KEL: variants seen among roughly 807,000 people sequenced by gnomAD.
KEL encodes the protein Kell metallo-endopeptidase (Kell blood group).
KEL carries 96 observed loss-of-function variants against 99.5 expected under a neutral mutation model. That is an observed-to-expected ratio of 0.97 (90% CI 0.82 to 1.14). The LOEUF is 1.14. Among genes scored for constraint, KEL ranks in the 50% most tolerant of loss-of-function variants. The pLI, the probability that KEL is intolerant of heterozygous loss-of-function variation, is 0.00. For synonymous variants in KEL, 355 were observed against 354.8 expected (o/e 1.00, Z -0.01); for missense variants, 926 against 924.2 (o/e 1.00, Z -0.03).
intron 1 of KEL, 71 bp from the exon 2 acceptor site, chr7:142,961,943 T>A: frequency 6.2e-7 from 1 of 1,601,116 alleles, no homozygotes; most frequent in East Asian, 2.2e-5. Context: ...GAGAGTTTTA[T>A]CAGGCCATTT....
In KEL at chr7:142,962,031, G is replaced by A. The variant is rs867163795; in HGVS notation, c.4-159C>T. 3.7e-6 allele frequency: 6 copies of A among 1,609,118 alleles called. No individual in the cohort carries two copies. In the African/African-American group the frequency reaches 5.3e-5, roughly 14 times the overall value. On this transcript the variant is annotated intron_variant, in intron 1 of 18. Transcript: ENST00000355265. ...AGTGTTCCCAGATGGGCTTCAGAAC[G>A]AACCTGTCCCCTGAATGTGCCATTT...
intron 10 of KEL, among the ~76,000 whole-genome samples, chr7:142,948,520 G>A (rs1796591861): frequency 6.6e-6 from 1 of 152,112 alleles, no homozygotes; most frequent in Non-Finnish European, 1.5e-5. Flanking sequence ...GGAAATTTTA[G>A]GGATTACGAG....
At chr7:142,957,119 G>A (rs1025256876) in intron 6 of KEL, among the ~76,000 whole-genome samples, 16 of 152,354 alleles carry the variant, frequency 1.1e-4, no homozygotes, top group Non-Finnish European at 2.9e-5. Context: ...CGAAAGTAGG[G>A]AGAGCAGGGC....
chr7:142,955,427 T>G (rs1796805707), intron 6 of KEL, among the ~76,000 whole-genome samples: 1 of 152,186 alleles, frequency 6.6e-6, no homozygotes, highest in African/African-American at 2.4e-5. Flanking sequence ...TCCCATTTTT[T>G]GGGAAAAAAA....
intron 10 of KEL, 194 bp from the exon 11 acceptor site, chr7:142,946,511 G>C (rs1796534680): frequency 1.6e-6 from 1 of 622,276 alleles, no homozygotes; most frequent in Non-Finnish European, 2.9e-6. Flanking sequence ...CTCAGAGCTG[G>C]TCTCATGAGC....
chr7:142,962,335 T>C lies in KEL; in HGVS notation c.-129A>G, dbSNP rs1562966332. On this transcript the variant is annotated 5_prime_UTR_variant, in exon 1 of 19. Transcript: ENST00000355265. ...TGGAGAAGGGGCACTTCTGCTGCTC[T>C]TTCGCCTTGTCCCCAGACACACAGG... 2 of 1,063,652 alleles carry C rather than the reference T, an allele frequency of 1.9e-6. No individual in the cohort carries two copies. The highest frequency in any genetic ancestry group is 2.4e-5 in the East Asian group (1 of 41,566). The allele number at this position is 1,063,652 out of a possible 1,614,324, so 65.9% of individuals were successfully genotyped here.
At chr7:142,958,263 T>A (rs562426381) in intron 5 of KEL, 41 bp downstream of exon 5, 2 of 1,613,770 alleles carry the variant, frequency 1.2e-6, no homozygotes, top group Non-Finnish European at 1.7e-6. Context: ...TGGTCCCATA[T>A]GTTATGTATC....
chr7:142,946,246 C>G lies in KEL; in HGVS notation c.1275G>C (p.Leu425Phe), dbSNP rs201001830. ...TCGGGCCAAAGGCCTCACGAACAAA[C>G]AAAGCCGCCAGCGTGGGCTCGAAGA... ...GTFFEPTLAA[L>F]FVREAFGPST... The change falls in exon 11 of 19, where the codon TTG becomes TTC. Residue 425 changes from leucine (L) to phenylalanine (F), a missense_variant. By Grantham distance (22) the Leu-to-Phe change is conservative (BLOSUM62 0). Coordinates refer to ENST00000355265, the MANE Select transcript of KEL (RefSeq NM_000420.3). 3.1e-6 allele frequency: 5 copies of G among 1,614,036 alleles called. No homozygotes were observed. The highest frequency in any genetic ancestry group is 4.2e-6 in the Non-Finnish European group (5 of 1,180,028).
At chr7:142,960,074 T>A (rs1478859218) in intron 4 of KEL, among the ~76,000 whole-genome samples, 1 of 152,190 alleles carries the variant, frequency 6.6e-6, no homozygotes, top group Non-Finnish European at 1.5e-5. Flanking sequence ...AGCTCATCCT[T>A]CTGGTTTTCC....
At chr7:142,953,753 G>A (rs1378236211) in intron 9 of KEL, 55 bp downstream of exon 9, 8 of 1,600,178 alleles carry the variant, frequency 5.0e-6, no homozygotes, top group East Asian at 2.2e-5. Context: ...CAAGATCTAC[G>A]GTGCTCAGGC....
intron 3 of KEL, 54 bp downstream of exon 3, chr7:142,961,306 G>T (rs1170939486): frequency 1.9e-6 from 3 of 1,609,110 alleles, no homozygotes; most frequent in African/African-American, 2.7e-5. Flanking sequence ...CTGGGCCTGG[G>T]CCCCAGGGCT....
chr7:142,943,937 G>T, intron 13 of KEL, 54 bp from the exon 14 acceptor site: 1 of 1,413,656 alleles, frequency 7.1e-7, no homozygotes, highest in Non-Finnish European at 1.0e-6. Flanking sequence ...ATAGATGCAC[G>T]CTGACAAACA....
At chr7:142,946,024 C>T in intron 11 of KEL, 183 bp downstream of exon 11, 1 of 611,540 alleles carries the variant, frequency 1.6e-6, no homozygotes, top group East Asian at 2.8e-5. Context: ...TGGCCTGAAG[C>T]TGAACTGTTT....
At chr7:142,951,939 T>A (rs1278145878) in intron 10 of KEL, among the ~76,000 whole-genome samples, 1 of 152,080 alleles carries the variant, frequency 6.6e-6, no homozygotes, top group Non-Finnish European at 1.5e-5. Context: ...CAAAGGAGCA[T>A]CTCTGCATCT....
At chr7:142,949,650 T>C (rs1796625271) in intron 10 of KEL, among the ~76,000 whole-genome samples, 1 of 152,252 alleles carries the variant, frequency 6.6e-6, no homozygotes, top group Non-Finnish European at 1.5e-5. Context: ...TAAATGTTTG[T>C]TACATAAATG....
chr7:142,953,718 C>T, intron 9 of KEL, 90 bp downstream of exon 9: 4 of 1,505,310 alleles, frequency 2.7e-6, no homozygotes, highest in Non-Finnish European at 3.7e-6. Flanking sequence ...TACCAGCCTG[C>T]CTTCCCCAAG....
chr7:142,944,002 G>A (rs1009552001), intron 13 of KEL, 119 bp from the exon 14 acceptor site: 24 of 805,670 alleles, frequency 3.0e-5, no homozygotes, highest in Non-Finnish European at 4.7e-5. Context: ...GGCATCCAGG[G>A]ATTAGGAGAG....
At chr7:142,956,472 C>T (rs976459060) in intron 6 of KEL, among the ~76,000 whole-genome samples, 1 of 152,002 alleles carries the variant, frequency 6.6e-6, no homozygotes, top group African/African-American at 2.4e-5. Context: ...AATGTTTCAC[C>T]TTCGCCTGGC....
At chr7:142,943,733 T>C (rs1222742230) in intron 14 of KEL, 50 bp downstream of exon 14, 5 of 1,556,900 alleles carry the variant, frequency 3.2e-6, no homozygotes, top group African/African-American at 1.4e-5. Flanking sequence ...CTGTGAATCA[T>C]GGATGGGTCT....
Sources: gnomAD v4.1 joint callset for allele counts (sites outside exome capture counted in the v4.1 genomes callset) on GRCh38, gnomAD v4.1.1 for gene constraint, MANE v1.5 for transcripts, NCBI Gene and HGNC (gene_info 2026-07-23, HGNC 2026-07-21) for gene names.